MAD1L1: variants seen among roughly 807,000 people sequenced by gnomAD.
The protein encoded by MAD1L1 is mitotic arrest deficient 1 like 1, also known as mitotic spindle assembly checkpoint protein MAD1.
In MAD1L1, 95 loss-of-function variants were observed where a neutral mutation model predicts 96.9. That is an observed-to-expected ratio of 0.98 (90% confidence interval 0.83 to 1.16). The LOEUF is 1.16. Among genes scored for constraint, MAD1L1 ranks in the 50% most tolerant of loss-of-function variants. MAD1L1 has a pLI of 0.00. For synonymous variants in MAD1L1, 473 were observed against 396.6 expected, an observed-to-expected ratio of 1.19 and a Z score of -2.29; for missense variants, 1,007 against 954.4, an observed-to-expected ratio of 1.06 and a Z score of -0.73.
intron 18 of MAD1L1, among the ~76,000 whole-genome samples, chr7:1,888,541 C>CGTGT (rs10593378): frequency 2.1e-5 from 3 of 141,718 alleles, no homozygotes; most frequent in Admixed American, 1.4e-4. Context: ...GTTGCCTGTG[C>CGTGT]GTGTGTGTGA....
rs114208251 is a variant in MAD1L1, at chr7:1,895,970, C to T, written c.1998+2230G>A. On this transcript the variant is annotated intron_variant, in intron 18 of 18. Transcript: ENST00000265854. Reference sequence around the variant, plus strand: ...TCCAGATCACAAGAGTCTAGGAAGGCGGGCAGGATGCCTGGCAAGAGCTGC... The same window carrying T: ...TCCAGATCACAAGAGTCTAGGAAGGTGGGCAGGATGCCTGGCAAGAGCTGC... Among the ~76,000 whole-genome samples the T allele has an allele frequency of 6.7e-3, 1,019 of 152,364 alleles. 12 individuals carry two copies. The highest frequency in any genetic ancestry group is 0.023 in the African/African-American group (957 of 41,590).
intron 18 of MAD1L1, among the ~76,000 whole-genome samples, chr7:1,821,369 C>T (rs1782117469): frequency 6.6e-6 from 1 of 152,094 alleles, no homozygotes; most frequent in South Asian, 2.1e-4. Flanking sequence ...TTTTACCGAA[C>T]ATTAAATATG....
intron 17 of MAD1L1, among the ~76,000 whole-genome samples, chr7:1,914,599 T>A (rs1398246001): frequency 6.6e-6 from 1 of 152,128 alleles, no homozygotes; most frequent in African/African-American, 2.4e-5. Flanking sequence ...GAACCCGAGA[T>A]CACATCGTGT....
chr7:1,825,751 A>T (rs1052614388), intron 18 of MAD1L1, among the ~76,000 whole-genome samples: 24 of 152,202 alleles, frequency 1.6e-4, no homozygotes, highest in African/African-American at 5.8e-4. Flanking sequence ...GCCTTGGACC[A>T]TGGCATCAGG....
rs970934056 is a variant in MAD1L1, at chr7:2,114,595, G to A, written c.1073+34557C>T. 5.3e-5 allele frequency among the ~76,000 whole-genome samples: 8 copies of A among 152,256 alleles called. No individual in the cohort carries two copies. The highest frequency in any genetic ancestry group is 8.8e-5 in the Non-Finnish European group (6 of 68,050). ...AGATGAGCATGGCTACGACTTGAAC[G>A]GTGGTTTCTTAACAGGGTCCAACAA... On this transcript the variant is annotated intron_variant, in intron 11 of 18. Coordinates refer to ENST00000265854, the MANE Select transcript of MAD1L1 (RefSeq NM_001013836.2). The surrounding 1 kb of genome is among the most constrained non-coding windows in gnomAD (Gnocchi z 4.2).
At chr7:2,101,549 G>A (rs191132045) in intron 11 of MAD1L1, among the ~76,000 whole-genome samples, 3 of 151,386 alleles carry the variant, frequency 2.0e-5, no homozygotes, top group South Asian at 2.1e-4. Flanking sequence ...CCATCCAGGT[G>A]GGTGGCAGGA....
intron 11 of MAD1L1, among the ~76,000 whole-genome samples, chr7:2,099,706 T>C (rs1786679760): frequency 6.6e-6 from 1 of 152,176 alleles, no homozygotes; most frequent in Admixed American, 6.5e-5. Flanking sequence ...GAGGTACTCC[T>C]ACCCGAGACC....
chr7:1,865,861 G>A (rs969927749), intron 18 of MAD1L1, among the ~76,000 whole-genome samples: 15 of 152,200 alleles, frequency 9.9e-5, no homozygotes, highest in Admixed American at 7.8e-4. Flanking sequence ...TGGGGGCTTC[G>A]GGGCTCCACG....
chr7:1,893,193 C>CA (rs1236950134), intron 18 of MAD1L1, among the ~76,000 whole-genome samples: 2 of 152,164 alleles, frequency 1.3e-5, no homozygotes, highest in African/African-American at 4.8e-5. Context: ...GCCTTTCCCC[C>CA]AAACGGCAGC....
chr7:2,168,068 T>A (rs1790524585), intron 10 of MAD1L1, among the ~76,000 whole-genome samples: 1 of 152,156 alleles, frequency 6.6e-6, no homozygotes, highest in Admixed American at 6.5e-5. Context: ...GTGGATCACT[T>A]GAGGTCAGGA....
intron 5 of MAD1L1, among the ~76,000 whole-genome samples, chr7:2,221,409 C>T (rs575614370): frequency 6.6e-6 from 1 of 152,206 alleles, no homozygotes; most frequent in Non-Finnish European, 1.5e-5. Flanking sequence ...GATAGGGGAA[C>T]AGCCTGAACA....
At chr7:2,032,775 G>T (rs1237139993) in intron 12 of MAD1L1, among the ~76,000 whole-genome samples, 3 of 152,230 alleles carry the variant, frequency 2.0e-5, no homozygotes, top group Non-Finnish European at 4.4e-5. Context: ...GGTGAGGGGG[G>T]TGGCGCCGGC....
chr7:2,058,964 T>A (rs28973081), intron 12 of MAD1L1, among the ~76,000 whole-genome samples: 1 of 20,956 alleles, frequency 4.8e-5, no homozygotes, highest in Non-Finnish European at 9.1e-5. Context: ...GGGGCTAGAG[T>A]GGGAGTGTGG....
chr7:1,916,758 C>T (rs947225047), intron 17 of MAD1L1, among the ~76,000 whole-genome samples: 3 of 152,128 alleles, frequency 2.0e-5, no homozygotes, highest in African/African-American at 7.2e-5. Flanking sequence ...GTAGAAATGA[C>T]AGTAGTCCCG....
chr7:2,222,306 C>G (rs1359421465), intron 5 of MAD1L1, among the ~76,000 whole-genome samples: 2 of 152,096 alleles, frequency 1.3e-5, no homozygotes, highest in Non-Finnish European at 2.9e-5. Flanking sequence ...TCTCCAACTC[C>G]CAACCTCAGA....
chr7:1,992,556 T>C (rs4719386), intron 14 of MAD1L1, among the ~76,000 whole-genome samples: 147,900 of 152,312 alleles, frequency 0.97, 71,952 homozygotes, highest in East Asian at 1. Context: ...AATTTGAAAG[T>C]TCTCCCTACA....
At chr7:2,151,586 T>C (rs528956319) in intron 10 of MAD1L1, among the ~76,000 whole-genome samples, 1 of 152,348 alleles carries the variant, frequency 6.6e-6, no homozygotes, top group South Asian at 2.1e-4. Flanking sequence ...TCAGGAGCAT[T>C]TGACACCGAT....
intron 12 of MAD1L1, among the ~76,000 whole-genome samples, chr7:2,024,883 G>C (rs535157504): frequency 1.8e-4 from 28 of 152,354 alleles, no homozygotes; most frequent in African/African-American, 6.0e-4. Flanking sequence ...ACTTCAGTGA[G>C]AAATGATACC....
At chr7:1,926,623 G>A (rs1352548093) in intron 17 of MAD1L1, among the ~76,000 whole-genome samples, 1 of 151,922 alleles carries the variant, frequency 6.6e-6, no homozygotes, top group Non-Finnish European at 1.5e-5. Context: ...CGGTGTAAGG[G>A]AAAAAAAACA....
Sources: allele counts gnomAD v4.1 joint callset (sites outside exome capture counted in the v4.1 genomes callset), GRCh38; gene constraint gnomAD v4.1.1; non-coding constraint Gnocchi (gnomAD v3.1); transcripts MANE v1.5; gene names NCBI Gene and HGNC (gene_info 2026-07-23, HGNC 2026-07-21).